Variants in PRKAR2B observed in about 807,000 individuals in gnomAD.
PRKAR2B encodes protein kinase cAMP-dependent type II regulatory subunit beta, also known as cAMP-dependent protein kinase type II-beta regulatory subunit.
PRKAR2B carries 14 observed loss-of-function variants against 49.9 expected under a neutral mutation model. The observed-to-expected ratio is 0.28, with a 90% CI of 0.19 to 0.44. PRKAR2B has a LOEUF of 0.44. Ranked by LOEUF, PRKAR2B falls within the 20% of genes least tolerant of loss-of-function variation. PRKAR2B has a pLI of 1.00. For missense variants in PRKAR2B, 393 were observed against 537.9 expected (o/e 0.73, Z 2.67); for synonymous variants, 196 against 197.7 (o/e 0.99, Z 0.07).
intron 1 of PRKAR2B, among the ~76,000 whole-genome samples, chr7:107,063,192 C>T (rs771141285): frequency 4.6e-5 from 7 of 152,044 alleles, no homozygotes; most frequent in African/African-American, 7.2e-5. Context: ...TTAATAGAGA[C>T]GGGTTTTACC....
chr7:107,068,080 C>T (rs553387573), intron 1 of PRKAR2B, among the ~76,000 whole-genome samples: 1 of 152,188 alleles, frequency 6.6e-6, no homozygotes, highest in Non-Finnish European at 1.5e-5. Flanking sequence ...TCTGAATTAC[C>T]GTGACAATCA....
At chr7:107,104,222 A>T (rs986724809) in intron 2 of PRKAR2B, among the ~76,000 whole-genome samples, 1 of 151,804 alleles carries the variant, frequency 6.6e-6, no homozygotes, top group Non-Finnish European at 1.5e-5. Context: ...TTTAGTAGAG[A>T]TGGGGTTTCA....
chr7:107,101,948 G>A (rs1444111332), intron 2 of PRKAR2B, among the ~76,000 whole-genome samples: 1 of 133,334 alleles, frequency 7.5e-6, no homozygotes, highest in Admixed American at 8.9e-5. Flanking sequence ...GACTGGCCAT[G>A]CTCCTCATTC....
chr7:107,139,832 C>T (rs962690348), intron 4 of PRKAR2B, among the ~76,000 whole-genome samples: 5 of 152,172 alleles, frequency 3.3e-5, no homozygotes, highest in African/African-American at 1.2e-4. Context: ...GTTTCTTCAA[C>T]CTGTGTTTTC....
intron 2 of PRKAR2B, among the ~76,000 whole-genome samples, chr7:107,108,733 C>T (rs1424636514): frequency 2.0e-5 from 3 of 152,214 alleles, no homozygotes; most frequent in Non-Finnish European, 4.4e-5. Context: ...AGAGTTAGAG[C>T]TCCATAGTGT....
At chr7:107,078,637 C>T (rs1794454712) in intron 2 of PRKAR2B, among the ~76,000 whole-genome samples, 1 of 151,980 alleles carries the variant, frequency 6.6e-6, no homozygotes, top group African/African-American at 2.4e-5. Flanking sequence ...TTTCCAGCCA[C>T]TTGCCCCTCC....
intron 2 of PRKAR2B, among the ~76,000 whole-genome samples, chr7:107,085,257 T>C (rs905903477): frequency 6.6e-6 from 1 of 152,100 alleles, no homozygotes; most frequent in Non-Finnish European, 1.5e-5. Context: ...AGGTGATGAT[T>C]GTACCAATTT....
intron 2 of PRKAR2B, among the ~76,000 whole-genome samples, chr7:107,070,767 G>A (rs1794249776): frequency 2.0e-5 from 3 of 152,244 alleles, no homozygotes; most frequent in South Asian, 4.1e-4. Flanking sequence ...TCATAAGAGG[G>A]TTTTTAATAA....
At chr7:107,144,230 T>C (rs1795845997) in intron 5 of PRKAR2B, among the ~76,000 whole-genome samples, 1 of 151,678 alleles carries the variant, frequency 6.6e-6, no homozygotes, top group Admixed American at 6.6e-5. Context: ...GGATTACAGG[T>C]GACTGCCACC....
intron 2 of PRKAR2B, among the ~76,000 whole-genome samples, chr7:107,116,821 T>G (rs1315527233): frequency 2.0e-5 from 3 of 151,428 alleles, no homozygotes; most frequent in Admixed American, 6.6e-5. Context: ...GGGAAGCCTA[T>G]TAACTTGTCA....
chr7:107,052,101 T>C (rs1434976055), intron 1 of PRKAR2B, among the ~76,000 whole-genome samples: 3 of 152,192 alleles, frequency 2.0e-5, no homozygotes, highest in African/African-American at 7.2e-5. Flanking sequence ...CTCATTATTA[T>C]AGAAAACTAA....
At chr7:107,060,569 T>C (rs56232558) in intron 1 of PRKAR2B, among the ~76,000 whole-genome samples, 9,747 of 152,196 alleles carry the variant, frequency 0.064, 449 homozygotes, top group Non-Finnish European at 0.1. Context: ...ATCTGGCTGA[T>C]TGTGTTTTTC....
chr7:107,137,063 G>T (rs1306149469), intron 4 of PRKAR2B, among the ~76,000 whole-genome samples: 1 of 152,188 alleles, frequency 6.6e-6, no homozygotes, highest in Non-Finnish European at 1.5e-5. Flanking sequence ...GCTATGTGCT[G>T]CATGATTCCA....
chr7:107,116,941 ATG>A (rs141264067), intron 2 of PRKAR2B, among the ~76,000 whole-genome samples: 3,199 of 145,952 alleles, frequency 0.022, 107 homozygotes, highest in African/African-American at 0.068. Flanking sequence ...GTGTATATAT[ATG>A]TGTGTGTGTG....
intron 1 of PRKAR2B, among the ~76,000 whole-genome samples, chr7:107,059,064 G>C (rs1250277747): frequency 6.6e-6 from 1 of 152,108 alleles, no homozygotes; most frequent in Non-Finnish European, 1.5e-5. Flanking sequence ...AAGACGGGCA[G>C]ATCACCTGAG....
chr7:107,147,561 A>C (rs765532738), intron 6 of PRKAR2B, among the ~76,000 whole-genome samples: 1 of 152,222 alleles, frequency 6.6e-6, no homozygotes, highest in South Asian at 2.1e-4. Flanking sequence ...TATGCTTACA[A>C]ATCACCTGGG....
intron 2 of PRKAR2B, among the ~76,000 whole-genome samples, chr7:107,115,390 A>G (rs984434449): frequency 3.9e-5 from 6 of 152,242 alleles, no homozygotes; most frequent in Admixed American, 2.6e-4. Context: ...AATTTCTGCC[A>G]GAAAGGTAAA....
intron 4 of PRKAR2B, among the ~76,000 whole-genome samples, chr7:107,130,669 A>G (rs1477618646): frequency 6.6e-6 from 1 of 152,148 alleles, no homozygotes; most frequent in Non-Finnish European, 1.5e-5. Context: ...GCCGAGTACC[A>G]TCACTTACCA....
At chr7:107,115,804 T>C (rs188477250) in intron 2 of PRKAR2B, among the ~76,000 whole-genome samples, 1 of 152,358 alleles carries the variant, frequency 6.6e-6, no homozygotes, top group African/African-American at 2.4e-5. Context: ...CTTCCCCATC[T>C]TGCTGAAGTT....
Sources: gnomAD v4.1 joint callset for allele counts (sites outside exome capture counted in the v4.1 genomes callset) on GRCh38, gnomAD v4.1.1 for gene constraint, MANE v1.5 for transcripts, NCBI Gene and HGNC (gene_info 2026-07-23, HGNC 2026-07-21) for gene names.